PPARGC1A: variants seen among roughly 807,000 people sequenced by gnomAD.
PPARGC1A encodes peroxisome proliferator-activated receptor gamma coactivator 1-alpha.
Under a neutral mutation model 88.7 loss-of-function variants are expected in PPARGC1A, and 25 were observed. The observed-to-expected ratio is 0.28, with a 90% CI of 0.21 to 0.39. The LOEUF (loss-of-function observed/expected upper bound fraction) is 0.39. Ranked by LOEUF, PPARGC1A falls within the 10% of genes least tolerant of loss-of-function variation. PPARGC1A has a pLI of 1.00. For synonymous variants in PPARGC1A, 363 were observed against 355.6 expected (o/e 1.02, Z -0.24); for missense variants, 880 against 968.7 (o/e 0.91, Z 1.22).
the PPARGC1A span, among the ~76,000 whole-genome samples, chr4:24,108,011 C>T: frequency 1.3e-5 from 2 of 152,166 alleles, no homozygotes; most frequent in African/African-American, 4.8e-5. Context: ...TGGGATAAGA[C>T]TGTCCTCTAC....
intron 2 of PPARGC1A, among the ~76,000 whole-genome samples, chr4:23,834,075 G>A (rs373070812): frequency 5.3e-5 from 8 of 152,084 alleles, no homozygotes; most frequent in African/African-American, 9.7e-5. Context: ...TGAGGCAGGC[G>A]GATCACTTGG....
the PPARGC1A span, among the ~76,000 whole-genome samples, chr4:24,151,607 T>C: frequency 2.6e-5 from 4 of 152,332 alleles, no homozygotes; most frequent in Non-Finnish European, 5.9e-5. Flanking sequence ...TTCTAAGTTC[T>C]TTATATTGAT....
the PPARGC1A span, among the ~76,000 whole-genome samples, chr4:24,298,036 GAT>G: frequency 2.0e-5 from 3 of 152,136 alleles, no homozygotes; most frequent in African/African-American, 7.2e-5. Context: ...AACAGAAACT[GAT>G]AGATCCTCTT....
the PPARGC1A span, among the ~76,000 whole-genome samples, chr4:23,968,415 T>C: frequency 6.6e-6 from 1 of 152,136 alleles, no homozygotes; most frequent in East Asian, 1.9e-4. Context: ...ACAATGTTAA[T>C]CCCACTGCAA....
At chr4:24,339,231 TATATATAC>T in the PPARGC1A span, among the ~76,000 whole-genome samples, 1,590 of 121,218 alleles carry the variant, frequency 0.013, 25 homozygotes, top group African/African-American at 0.033. Context: ...TATATATATA[TATATATAC>T]ACACACACAC....
At chr4:23,900,088 G>T (rs188439349), upstream of PPARGC1A, among the ~76,000 whole-genome samples, 220 of 151,958 alleles carry the variant, frequency 1.4e-3, 2 homozygotes, top group Admixed American at 4.6e-3. Flanking sequence ...AACAGCCTTG[G>T]AGCAGAAATC....
the PPARGC1A span, among the ~76,000 whole-genome samples, chr4:24,403,352 T>C: frequency 6.6e-6 from 1 of 152,202 alleles, no homozygotes; most frequent in Admixed American, 6.5e-5. Flanking sequence ...AACGTTAAGC[T>C]CTGAGAAGAA....
At chr4:24,408,435 A>C in the PPARGC1A span, among the ~76,000 whole-genome samples, 1 of 151,942 alleles carries the variant, frequency 6.6e-6, no homozygotes, top group South Asian at 2.1e-4. Context: ...GATCGCAAAT[A>C]ATTGTTCTTA....
chr4:24,440,749 C>A, the PPARGC1A span, among the ~76,000 whole-genome samples: 30 of 151,936 alleles, frequency 2.0e-4, no homozygotes, highest in Admixed American at 2.0e-4. Context: ...CTGCAGTGAG[C>A]AGAGATTGCA....
the PPARGC1A span, among the ~76,000 whole-genome samples, chr4:24,085,674 A>G: frequency 3.3e-5 from 5 of 152,236 alleles, no homozygotes; most frequent in Non-Finnish European, 1.5e-5. Flanking sequence ...TGAGTACAGA[A>G]TACCCACTAT....
the PPARGC1A span, among the ~76,000 whole-genome samples, chr4:24,109,763 A>C: frequency 6.6e-6 from 1 of 152,132 alleles, no homozygotes; most frequent in East Asian, 1.9e-4. Flanking sequence ...TTGTAAGCAA[A>C]GGGCTAGGAA....
chr4:23,862,864 C>T (rs956952734), intron 2 of PPARGC1A, among the ~76,000 whole-genome samples: 3 of 152,192 alleles, frequency 2.0e-5, no homozygotes, highest in African/African-American at 7.2e-5. Flanking sequence ...GAAGACACCC[C>T]TCCTTATCAA....
chr4:23,795,392 C>G lies in PPARGC1A; in HGVS notation c.*430G>C, dbSNP rs914393369. 14 of 150,840 alleles carry G rather than the reference C, an allele frequency of 9.3e-5. No individual in the cohort carries two copies. The highest frequency in any genetic ancestry group is 3.2e-4 in the African/African-American group (13 of 40,632). The allele number at this position is 150,840 out of a possible 1,614,324, so 9.3% of individuals were successfully genotyped here. ...AGGTTTTAAGCGTGTCTTCATGGAA[C>G]TGCTGCCATTTGAAATGGTTTGCCC... On this transcript the variant is annotated 3_prime_UTR_variant, in exon 13 of 13. Coordinates refer to ENST00000264867, the MANE Select transcript of PPARGC1A (RefSeq NM_013261.5).
At chr4:24,205,608 C>T in the PPARGC1A span, among the ~76,000 whole-genome samples, 1 of 152,134 alleles carries the variant, frequency 6.6e-6, no homozygotes, top group Non-Finnish European at 1.5e-5. Flanking sequence ...AAAATGTGCA[C>T]CTTTGACCTG....
chr4:24,071,127 G>C, the PPARGC1A span, among the ~76,000 whole-genome samples: 141 of 152,218 alleles, frequency 9.3e-4, no homozygotes, highest in African/African-American at 3.1e-3. Context: ...GTTAAAGCTG[G>C]TGCCTAGAAG....
the PPARGC1A span, among the ~76,000 whole-genome samples, chr4:24,030,691 A>G: frequency 6.6e-6 from 1 of 152,034 alleles, no homozygotes; most frequent in Admixed American, 6.6e-5. Context: ...CCAAGTGACC[A>G]TTGTCTCCAC....
the PPARGC1A span, among the ~76,000 whole-genome samples, chr4:24,175,023 G>C: frequency 3.9e-5 from 6 of 152,116 alleles, no homozygotes; most frequent in Admixed American, 3.9e-4. Context: ...TTGTTGCTCG[G>C]GGCCTAGTGT....
chr4:24,367,142 C>A, the PPARGC1A span, among the ~76,000 whole-genome samples: 9 of 152,270 alleles, frequency 5.9e-5, no homozygotes, highest in African/African-American at 1.9e-4. Flanking sequence ...GATTCGTAAT[C>A]ACTAGTAAGA....
the PPARGC1A span, among the ~76,000 whole-genome samples, chr4:24,174,151 G>A: frequency 4.3e-4 from 65 of 152,266 alleles, 1 homozygote; most frequent in East Asian, 0.012. Flanking sequence ...TGGCTCAGTG[G>A]TATTGCTAAT....
Sources: gnomAD v4.1 joint callset for allele counts (sites outside exome capture counted in the v4.1 genomes callset) on GRCh38, gnomAD v4.1.1 for gene constraint, MANE v1.5 for transcripts, NCBI Gene and HGNC (gene_info 2026-07-23, HGNC 2026-07-21) for gene names.